Variants in EGLN3 observed in about 807,000 individuals in gnomAD.
EGLN3 encodes the protein prolyl hydroxylase EGLN3.
In EGLN3, 15 loss-of-function variants were observed where a neutral mutation model predicts 26.0. That is an observed-to-expected ratio of 0.58 (90% confidence interval 0.39 to 0.89). The LOEUF (loss-of-function observed/expected upper bound fraction) is 0.89, where lower values mean the gene tolerates loss of function less well. Ranked by LOEUF, EGLN3 falls within the 40% of genes least tolerant of loss-of-function variation. The probability of loss-of-function intolerance (pLI) is 0.00; values close to 1 mark genes in which losing one functional copy is unlikely to be tolerated. For synonymous variants in EGLN3, 147 were observed against 127.2 expected (o/e 1.16, Z -1.05); for missense variants, 238 against 311.6 (o/e 0.76, Z 1.78).
Position 33,934,299 on chromosome 14 carries a change from C to T in EGLN3, c.358-3084G>A, listed in dbSNP as rs115177276. On this transcript the variant is annotated intron_variant, in intron 1 of 4. Coordinates refer to ENST00000250457, the MANE Select transcript of EGLN3 (RefSeq NM_022073.4). ...TAGACCAGAATATGTGCTCTAGACA[C>T]GTATGCAGCCATGTCCAGACAACAA... Among the ~76,000 whole-genome samples the T allele has an allele frequency of 2.8e-3, 422 of 152,158 alleles. 4 individuals carry two copies. Among genetic ancestry groups the T allele is most frequent in the African/African-American group, 8.9e-3 (368 of 41,496 alleles).
chr14:33,931,120 A>G lies in EGLN3; in HGVS notation c.453T>C (p.Tyr151=). Residue 151 remains tyrosine (Y), a synonymous_variant, in exon 2 of 5, where the codon TAT becomes TAC. Coordinates refer to ENST00000250457, the MANE Select transcript of EGLN3 (RefSeq NM_022073.4). ...GDGRCITCIY[Y]LNKNWDAKLH... is the part of the protein sequence containing the mutation. ...CCTTGGCATCCCAATTCTTGTTCAG[A>G]TAGTAGATGCAGGTGATGCAGCGAC... 6.2e-7 allele frequency: 1 copy of G among 1,614,164 alleles called. No individual in the cohort carries two copies. The highest frequency in any genetic ancestry group is 8.5e-7 in the Non-Finnish European group (1 of 1,180,030).
chr14:33,941,384 G>A (rs943887129), intron 1 of EGLN3, among the ~76,000 whole-genome samples: 11 of 151,662 alleles, frequency 7.3e-5, no homozygotes, highest in South Asian at 2.1e-4. Context: ...TATTTCTAGG[G>A]TGAAACCTAG....
At chr14:33,944,432 T>C (rs971386131) in intron 1 of EGLN3, among the ~76,000 whole-genome samples, 1 of 152,194 alleles carries the variant, frequency 6.6e-6, no homozygotes, top group African/African-American at 2.4e-5. Flanking sequence ...CCTTTCTCTA[T>C]TAAAGTACCT....
At chr14:33,943,822 G>T (rs1379747884) in intron 1 of EGLN3, among the ~76,000 whole-genome samples, 1 of 152,156 alleles carries the variant, frequency 6.6e-6, no homozygotes, top group Non-Finnish European at 1.5e-5. Flanking sequence ...AAAATGGAGG[G>T]CTGTTTGTTA....
chr14:33,940,675 T>A (rs1018557700), intron 1 of EGLN3, among the ~76,000 whole-genome samples: 1 of 152,026 alleles, frequency 6.6e-6, no homozygotes, highest in African/African-American at 2.4e-5. Context: ...ACCACAGCCC[T>A]TATATGGCAA....
intron 1 of EGLN3, among the ~76,000 whole-genome samples, chr14:33,944,029 T>TA (rs993938991): frequency 2.0e-5 from 3 of 151,254 alleles, no homozygotes; most frequent in Non-Finnish European, 2.9e-5. Context: ...AATTCCCAAA[T>TA]AAAATGGTGA....
intron 1 of EGLN3, among the ~76,000 whole-genome samples, chr14:33,935,935 T>C (rs2064439069): frequency 6.6e-6 from 1 of 151,714 alleles, no homozygotes; most frequent in Admixed American, 6.6e-5. Flanking sequence ...GACAACTAGA[T>C]GTGTAAAGAG....
At chr14:33,943,739 A>G (rs2015007233) in intron 1 of EGLN3, among the ~76,000 whole-genome samples, 1 of 152,240 alleles carries the variant, frequency 6.6e-6, no homozygotes, top group African/African-American at 2.4e-5. Flanking sequence ...GAGGTTGGGT[A>G]GAACGCCACC....
intron 1 of EGLN3, among the ~76,000 whole-genome samples, chr14:33,932,990 G>T (rs989070713): frequency 6.6e-6 from 1 of 152,116 alleles, no homozygotes; most frequent in East Asian, 1.9e-4. Flanking sequence ...ATTACAGGCT[G>T]GATTCCCTAT....
At chr14:33,939,462 G>C (rs893348828) in intron 1 of EGLN3, among the ~76,000 whole-genome samples, 1 of 151,990 alleles carries the variant, frequency 6.6e-6, no homozygotes. Context: ...CACCCGCCTC[G>C]GCCGCCCAAA....
At chr14:33,938,596 C>A (rs775169970) in intron 1 of EGLN3, among the ~76,000 whole-genome samples, 5 of 152,206 alleles carry the variant, frequency 3.3e-5, no homozygotes, top group Non-Finnish European at 5.9e-5. Context: ...ATCTCTACCC[C>A]AGTCACCAGA....
rs535724925 is a variant in EGLN3 at position 33,933,381 on chromosome 14, AAC to A, written c.358-2168_358-2167del. On this transcript the variant is annotated intron_variant, in intron 1 of 4. Transcript: ENST00000250457. ...CCTCTACCAAATGCCGCATCTATAAAACACACAGAGACAAAGCCAATTCCAGA... is the reference window on the plus strand; with the variant it reads ...CCTCTACCAAATGCCGCATCTATAAAACACAGAGACAAAGCCAATTCCAGA... Among the ~76,000 whole-genome samples, 234 of 152,274 alleles carry A rather than the reference AAC, an allele frequency of 1.5e-3. 1 individual carries two copies. Among genetic ancestry groups the A allele is most frequent in the Non-Finnish European group, 2.3e-3 (157 of 68,008 alleles).
chr14:33,936,424 C>T (rs2064443402), intron 1 of EGLN3, among the ~76,000 whole-genome samples: 1 of 151,894 alleles, frequency 6.6e-6, no homozygotes, highest in Non-Finnish European at 1.5e-5. Context: ...TTTTAGTCAG[C>T]TGTGGGTAGA....
In EGLN3 at chr14:33,946,029, A is replaced by T. The variant is rs748459779; in HGVS notation, c.357+4367T>A. Among the ~76,000 whole-genome samples, 15 of 152,298 alleles carry T rather than the reference A, an allele frequency of 9.8e-5. 1 individual carries two copies. In the South Asian group the frequency reaches 2.3e-3, roughly 23 times the overall value. Reference sequence around the variant, plus strand: ...CCTCACAATGCCACCTTCCAGAGCTAGTCTGGTCAGGAATCCTACGAACAA... The same window carrying T: ...CCTCACAATGCCACCTTCCAGAGCTTGTCTGGTCAGGAATCCTACGAACAA... On this transcript the variant is annotated intron_variant, in intron 1 of 4. Transcript: ENST00000250457.
chr14:33,935,409 C>A (rs1769613), intron 1 of EGLN3, among the ~76,000 whole-genome samples: 142,669 of 152,170 alleles, frequency 0.94, 67,196 homozygotes, highest in Non-Finnish European at 0.98. Flanking sequence ...GAAGCCAATC[C>A]GGTATACATG....
Position 33,950,709 on chromosome 14 carries a change from G to A in EGLN3, c.44C>T (p.Ala15Val), listed in dbSNP as rs1466821925. 1 of 1,613,936 alleles carries A rather than the reference G, an allele frequency of 6.2e-7. No individual in the cohort carries two copies. The highest frequency in any genetic ancestry group is 8.5e-7 in the Non-Finnish European group (1 of 1,179,926). Reference protein sequence around the residue: ...HIMRLDLEKIALEYIVPCLHE... With the variant: ...HIMRLDLEKIVLEYIVPCLHE... The stretch of plus-strand genomic sequence containing the variant: ...CAGACAGGGCACGATGTACTCCAGG[G>A]CAATTTTCTCCAGGTCCAGCCTCAT... The change falls in exon 1 of 5, where the codon GCC (alanine) becomes GTC (valine). Residue 15 changes from alanine (A) to valine (V), a missense_variant. Physicochemically the swap from Ala to Val is moderately conservative, Grantham distance 64. Transcript: ENST00000250457.
intron 1 of EGLN3, among the ~76,000 whole-genome samples, chr14:33,934,927 G>T (rs1184371675): frequency 1.3e-5 from 2 of 152,154 alleles, no homozygotes; most frequent in African/African-American, 4.8e-5. Context: ...GTTGAGAAAA[G>T]CGTGATTTCA....
chr14:33,941,423 T>G (rs1267310278), intron 1 of EGLN3, among the ~76,000 whole-genome samples: 4 of 151,736 alleles, frequency 2.6e-5, no homozygotes, highest in Non-Finnish European at 4.4e-5. Context: ...AAAAAAAAAC[T>G]TACAAAGCTA....
chr14:33,926,983 T>C lies in EGLN3; in HGVS notation c.665A>G (p.Lys222Arg). Reference protein sequence around the residue: ...YFDAEERAEAKKKFRNLTRKT... With the variant: ...YFDAEERAEARKKFRNLTRKT... ...ACTAGTTAAATTCCTGAATTTCTTTTTGGCTTCTGCCCTTTCTTCAGCATC... is the reference window on the plus strand; with the variant it reads ...ACTAGTTAAATTCCTGAATTTCTTTCTGGCTTCTGCCCTTTCTTCAGCATC... The change falls in exon 4 of 5, where the codon AAA becomes AGA. Residue 222 changes from lysine to arginine, a missense_variant. Lys to Arg is a conservative substitution (Grantham distance 26, BLOSUM62 2). Transcript: ENST00000250457. 3 of 1,607,682 alleles carry C rather than the reference T, an allele frequency of 1.9e-6. No individual in the cohort carries two copies. The highest frequency in any genetic ancestry group is 1.3e-5 in the African/African-American group (1 of 74,832).
Sources: allele counts gnomAD v4.1 joint callset (sites outside exome capture counted in the v4.1 genomes callset), GRCh38; gene constraint gnomAD v4.1.1; transcripts MANE v1.5; gene names NCBI Gene and HGNC (gene_info 2026-07-23, HGNC 2026-07-21).